Variants in RPS6KC1 observed in about 807,000 individuals in gnomAD.
RPS6KC1 encodes ribosomal protein S6 kinase C1.
Under a neutral mutation model 103.8 loss-of-function variants are expected in RPS6KC1, and 54 were observed. The observed-to-expected ratio is 0.52, with a 90% CI of 0.42 to 0.65. The LOEUF (loss-of-function observed/expected upper bound fraction) is 0.65, where lower values mean the gene tolerates loss of function less well. RPS6KC1 is among the 30% of genes least tolerant of loss of function. The pLI is 0.00. For synonymous variants in RPS6KC1, 439 were observed against 438.7 expected (o/e 1.00, Z -0.01); for missense variants, 1,151 against 1,253.8 (o/e 0.92, Z 1.24).
the RPS6KC1 span, among the ~76,000 whole-genome samples, chr1:213,284,249 G>A: frequency 6.6e-6 from 1 of 152,186 alleles, no homozygotes; most frequent in African/African-American, 2.4e-5. Context: ...GGACACACTG[G>A]CCCATGCCTG....
the RPS6KC1 span, among the ~76,000 whole-genome samples, chr1:213,411,121 C>G: frequency 6.6e-6 from 1 of 152,330 alleles, no homozygotes; most frequent in South Asian, 2.1e-4. Context: ...CTGCCATCCA[C>G]TCATCTCTTT....
the RPS6KC1 span, among the ~76,000 whole-genome samples, chr1:213,363,648 TTCTTTC>T: frequency 1.4e-5 from 1 of 72,348 alleles, no homozygotes; most frequent in Non-Finnish European, 2.5e-5. Context: ...CTTTCTTTCT[TTCTTTC>T]TTTCTTTCTT....
chr1:213,820,395 G>A, the RPS6KC1 span: 1 of 152,278 alleles, frequency 6.6e-6, no homozygotes, highest in African/African-American at 2.4e-5. Flanking sequence ...ATTGAGCTAA[G>A]TGAATGACTT....
At chr1:213,420,470 A>C in the RPS6KC1 span, among the ~76,000 whole-genome samples, 1 of 152,230 alleles carries the variant, frequency 6.6e-6, no homozygotes, top group African/African-American at 2.4e-5. Flanking sequence ...CTGAAGCTCC[A>C]ACAATGCTTA....
chr1:213,399,648 G>A, the RPS6KC1 span, among the ~76,000 whole-genome samples: 8 of 152,010 alleles, frequency 5.3e-5, no homozygotes, highest in Admixed American at 3.9e-4. Context: ...GCATGAAGCC[G>A]CCCACCCTCT....
At chr1:213,285,419 G>C in the RPS6KC1 span, among the ~76,000 whole-genome samples, 1 of 152,100 alleles carries the variant, frequency 6.6e-6, no homozygotes, top group African/African-American at 2.4e-5. Context: ...CGAGTTCTTC[G>C]TAAGAAACCT....
At chr1:213,219,265 T>C (rs1393974909) in intron 8 of RPS6KC1, among the ~76,000 whole-genome samples, 2 of 152,134 alleles carry the variant, frequency 1.3e-5, no homozygotes, top group Non-Finnish European at 2.9e-5. Context: ...AAAATGCTCA[T>C]CATCACTGGC....
At chr1:213,335,306 G>A in the RPS6KC1 span, among the ~76,000 whole-genome samples, 1 of 152,340 alleles carries the variant, frequency 6.6e-6, no homozygotes, top group South Asian at 2.1e-4. Context: ...AGGATTAGCT[G>A]GGGCTGCGAG....
At chr1:213,304,842 A>C in the RPS6KC1 span, among the ~76,000 whole-genome samples, 2 of 152,012 alleles carry the variant, frequency 1.3e-5, no homozygotes, top group Non-Finnish European at 2.9e-5. Context: ...TGCCCAGCAA[A>C]TTTTGCGTCT....
chr1:213,787,144 T>C, the RPS6KC1 span, among the ~76,000 whole-genome samples: 3 of 112,824 alleles, frequency 2.7e-5, no homozygotes, highest in African/African-American at 1.2e-4. Context: ...TCCTCGTCTG[T>C]TTATTTATTC....
At chr1:213,512,408 C>G in the RPS6KC1 span, among the ~76,000 whole-genome samples, 1 of 152,226 alleles carries the variant, frequency 6.6e-6, no homozygotes, top group East Asian at 1.9e-4. Flanking sequence ...AATTTGGGGT[C>G]TTTTATAAAC....
the RPS6KC1 span, among the ~76,000 whole-genome samples, chr1:213,807,730 T>C: frequency 1.3e-5 from 2 of 152,234 alleles, no homozygotes; most frequent in East Asian, 3.8e-4. Context: ...TTGAATTTCC[T>C]CCTGTAGCTC....
intron 14 of RPS6KC1, among the ~76,000 whole-genome samples, chr1:213,271,758 C>T (rs1220674821): frequency 8.2e-5 from 6 of 73,462 alleles, no homozygotes; most frequent in Admixed American, 3.9e-4. Context: ...AGCGAAACTC[C>T]GTCTCAAAAA....
At chr1:213,550,902 C>T in the RPS6KC1 span, among the ~76,000 whole-genome samples, 3,592 of 152,242 alleles carry the variant, frequency 0.024, 265 homozygotes, top group East Asian at 0.28. Context: ...GCTTTCCCCA[C>T]GACAGTTTCA....
Position 213,184,206 on chromosome 1 carries a change from C to T in RPS6KC1, c.1044+7714C>T, listed in dbSNP as rs534374248. Among the ~76,000 whole-genome samples, 4 of 152,078 alleles carry T rather than the reference C, an allele frequency of 2.6e-5. No individual in the cohort carries two copies. In the East Asian group the frequency reaches 7.7e-4, roughly 29 times the overall value. On this transcript the variant is annotated intron_variant, in intron 8 of 14. Transcript: ENST00000366960. ...AACACCAGTTTTACACATTTTCTTC[C>T]TGAAAATGGAAGAAAGAGAAACAGT...
the RPS6KC1 span, among the ~76,000 whole-genome samples, chr1:213,541,947 G>A: frequency 6.6e-6 from 1 of 152,194 alleles, no homozygotes; most frequent in African/African-American, 2.4e-5. Context: ...GAGTTCCTGA[G>A]CCTAGAGTAG....
the RPS6KC1 span, among the ~76,000 whole-genome samples, chr1:213,754,227 T>C: frequency 6.6e-6 from 1 of 152,250 alleles, no homozygotes; most frequent in Non-Finnish European, 1.5e-5. Flanking sequence ...GGTGAGGGCT[T>C]GTGGATGGCC....
At chr1:213,531,740 C>T in the RPS6KC1 span, among the ~76,000 whole-genome samples, 26 of 152,206 alleles carry the variant, frequency 1.7e-4, no homozygotes, top group African/African-American at 5.3e-4. Flanking sequence ...CTTCTCTTTT[C>T]CTCTTTTCTC....
At chr1:213,778,901 C>T in the RPS6KC1 span, among the ~76,000 whole-genome samples, 5 of 152,228 alleles carry the variant, frequency 3.3e-5, no homozygotes, top group South Asian at 2.1e-4. Context: ...CGCCCCACTC[C>T]GTAGAAGCTC....
Sources: gnomAD v4.1 joint callset for allele counts (sites outside exome capture counted in the v4.1 genomes callset) on GRCh38, gnomAD v4.1.1 for gene constraint, MANE v1.5 for transcripts, NCBI Gene and HGNC (gene_info 2026-07-23, HGNC 2026-07-21) for gene names.